The following NEBL variants were observed in gnomAD, a reference collection of about 807,000 sequenced individuals.
NEBL encodes the protein nebulette.
NEBL carries 122 observed loss-of-function variants against 140.2 expected under a neutral mutation model. The ratio of observed to expected loss-of-function variants is 0.87; its 90% CI spans 0.75 to 1.01. The LOEUF (loss-of-function observed/expected upper bound fraction) is 1.01. Ranked by LOEUF, NEBL falls within the 50% of genes least tolerant of loss-of-function variation. The probability of loss-of-function intolerance (pLI) is 0.00; values close to 1 mark genes in which losing one functional copy is unlikely to be tolerated. For synonymous variants in NEBL, 436 were observed against 398.9 expected, an observed-to-expected ratio of 1.09 and a Z score of -1.11; for missense variants, 1,365 against 1,231.3, an observed-to-expected ratio of 1.11 and a Z score of -1.62.
At chr10:21,017,308 G>T (rs1838593499) in intron 3 of NEBL, among the ~76,000 whole-genome samples, 1 of 152,224 alleles carries the variant, frequency 6.6e-6, no homozygotes, top group Non-Finnish European at 1.5e-5. Flanking sequence ...CCAGTGCACA[G>T]AGTAGGTAAT....
chr10:21,026,176 C>G (rs907555464), intron 2 of NEBL, among the ~76,000 whole-genome samples: 2 of 152,130 alleles, frequency 1.3e-5, no homozygotes, highest in African/African-American at 2.4e-5. Flanking sequence ...CTGTAAAACC[C>G]ATGTTTTCAT....
chr10:21,049,749 T>C lies in NEBL; in HGVS notation c.165-29548A>G, dbSNP rs540518180. Among the ~76,000 whole-genome samples the C allele has an allele frequency of 2.6e-5, 4 of 152,342 alleles. No individual in the cohort carries two copies. In the South Asian group the frequency reaches 8.3e-4, roughly 32 times the overall value. ...TCCCCCTACTGCAGTGACATCCCCT[T>C]CTTTGCAGGCAAAGGCTGTGTTTCT... On this transcript the variant is annotated intron_variant, in intron 2 of 6. Transcript: ENST00000417816.
Position 21,252,587 on chromosome 10 carries a change from G to GA in NEBL, n.183-760dup, listed in dbSNP as rs202060348. On this transcript the variant is annotated intron_variant and non_coding_transcript_variant, in intron 1 of 8. Coordinates refer to the NEBL transcript ENST00000675702. ...TTTTTAAAATGCACAACCTTACTGG[G>GA]AAAAAATATATATAAATATACAGAA... Among the ~76,000 whole-genome samples, 418 of 152,034 alleles carry GA rather than the reference G, an allele frequency of 2.7e-3. 4 individuals carry two copies. Among genetic ancestry groups the GA allele is most frequent in the African/African-American group, 9.0e-3 (373 of 41,458 alleles).
Position 20,858,306 on chromosome 10 carries a change from T to C in NEBL, c.837A>G (p.Pro279=), listed in dbSNP as rs1211641825. ...ACAACAAATTTGGGAGATCTGAAACTGGATCATGCATATTTTGAATGTCTT... is the reference window on the plus strand; with the variant it reads ...ACAACAAATTTGGGAGATCTGAAACCGGATCATGCATATTTTGAATGTCTT... The part of the protein sequence containing the change: ...YKKDIQNMHD[P]VSDLPNLLFL... Residue 279 remains proline (P), a synonymous_variant, in exon 9 of 28, where the codon CCA becomes CCG. Coordinates refer to ENST00000377122, the MANE Select transcript of NEBL (RefSeq NM_006393.3). 5 of 1,610,374 alleles carry C rather than the reference T, an allele frequency of 3.1e-6. No homozygotes were observed. The Admixed American group carries it at 5.0e-5, about 16-fold the overall frequency.
chr10:21,274,546 C>T (rs1336022901), intron 1 of NEBL, among the ~76,000 whole-genome samples: 1 of 152,184 alleles, frequency 6.6e-6, no homozygotes, highest in East Asian at 1.9e-4. Context: ...GTGCCTCAGC[C>T]TCCCGAGTAG....
intron 1 of NEBL, among the ~76,000 whole-genome samples, chr10:21,265,494 T>C (rs1842787984): frequency 6.6e-6 from 1 of 152,212 alleles, no homozygotes; most frequent in Non-Finnish European, 1.5e-5. Flanking sequence ...AAGCCTTAAG[T>C]ATTTCTGATT....
At chr10:20,798,162 G>T (rs1344877383) in intron 26 of NEBL, among the ~76,000 whole-genome samples, 2 of 150,798 alleles carry the variant, frequency 1.3e-5, no homozygotes, top group African/African-American at 4.9e-5. Context: ...TAGGGGGAAA[G>T]ATCAGGCAGT....
Position 20,819,516 on chromosome 10 carries a change from G to A in NEBL, c.1963C>T (p.Leu655Phe). 6.2e-7 allele frequency: 1 copy of A among 1,613,934 alleles called. No homozygotes were observed. Residue 655 changes from leucine (L) to phenylalanine (F), a missense_variant and splice_region_variant, in exon 20 of 28, where the codon CTC becomes TTC. This residue lies in a region of NEBL where 1,323 missense variants were observed against 1,154.8 expected (regional missense o/e 1.15). Coordinates refer to ENST00000377122, the MANE Select transcript of NEBL (RefSeq NM_006393.3). ...TTGTAGTTTTGCTCTTTATACTGGA[G>A]CTGAGAGACAAGGTGCAAGACAGTT... ...VKENQKNISNLQYKEQNYKAT... is the reference protein window; with the variant it reads ...VKENQKNISNFQYKEQNYKAT...
At chr10:20,827,484 T>C (rs1424338908) in intron 17 of NEBL, among the ~76,000 whole-genome samples, 1 of 152,220 alleles carries the variant, frequency 6.6e-6, no homozygotes, top group Non-Finnish European at 1.5e-5. Flanking sequence ...CTTACTAGAA[T>C]TTATATTTTG....
chr10:21,274,426 TATTATTTATCTATTTTTGAGACACA>T (rs1554836101), intron 1 of NEBL, among the ~76,000 whole-genome samples: 1 of 152,166 alleles, frequency 6.6e-6, no homozygotes, highest in Non-Finnish European at 1.5e-5. Flanking sequence ...AGTTAGTTAG[TATTATTTATCTATTTTTGAGACACA>T]ATTTCCCTCT....
intron 14 of NEBL, among the ~76,000 whole-genome samples, chr10:20,835,023 CTG>C (rs1009948276): frequency 6.6e-6 from 1 of 152,150 alleles, no homozygotes; most frequent in Admixed American, 6.5e-5. Flanking sequence ...AAAATGCTGA[CTG>C]TGTAGAAATT....
At chr10:21,097,089 T>C (rs1339605298) in intron 2 of NEBL, among the ~76,000 whole-genome samples, 1 of 152,122 alleles carries the variant, frequency 6.6e-6, no homozygotes, top group African/African-American at 2.4e-5. Flanking sequence ...TCACCTCCAC[T>C]CTCCTAATAC....
chr10:20,905,519 C>T (rs1311114665), intron 4 of NEBL, among the ~76,000 whole-genome samples: 3 of 152,104 alleles, frequency 2.0e-5, no homozygotes, highest in Non-Finnish European at 2.9e-5. Flanking sequence ...GTCACAACAG[C>T]AGCATGTGGG....
intron 4 of NEBL, among the ~76,000 whole-genome samples, chr10:20,929,846 T>G (rs1260308089): frequency 6.6e-6 from 1 of 152,128 alleles, no homozygotes; most frequent in Non-Finnish European, 1.5e-5. Context: ...ACAGTTACAC[T>G]AAAAGCCCGG....
chr10:21,131,568 AG>A lies in NEBL; in HGVS notation c.164+40814del, dbSNP rs1466347219. 2.6e-5 allele frequency among the ~76,000 whole-genome samples: 4 copies of A among 152,216 alleles called. No homozygotes were observed. In the South Asian group the frequency reaches 6.2e-4, roughly 24 times the overall value. On this transcript the variant is annotated intron_variant, in intron 2 of 6. Transcript: ENST00000417816. Reference sequence around the variant, plus strand: ...GCAAAAAGCAACCCAGCTGGAGAAAAGCACAGGACTGCAGAAAACCAATAAA... The same window carrying A: ...GCAAAAAGCAACCCAGCTGGAGAAAACACAGGACTGCAGAAAACCAATAAA...
At chr10:21,168,883 C>T (rs1840919316) in intron 2 of NEBL, among the ~76,000 whole-genome samples, 1 of 150,182 alleles carries the variant, frequency 6.7e-6, no homozygotes. Flanking sequence ...CCTATCTCTA[C>T]TAAAAAATAC....
At chr10:21,168,018 C>G (rs1483087535) in intron 2 of NEBL, among the ~76,000 whole-genome samples, 1 of 152,078 alleles carries the variant, frequency 6.6e-6, no homozygotes, top group Non-Finnish European at 1.5e-5. Flanking sequence ...GGGTATTACG[C>G]CCAATCTTAC....
At chr10:21,067,095 C>A (rs1835595295) in intron 2 of NEBL, among the ~76,000 whole-genome samples, 1 of 150,586 alleles carries the variant, frequency 6.6e-6, no homozygotes, top group South Asian at 2.1e-4. Flanking sequence ...GCCTCAGCCT[C>A]CCGAGTAGCT....
chr10:21,039,058 C>CTGT (rs1289419841), intron 2 of NEBL, among the ~76,000 whole-genome samples: 3 of 95,010 alleles, frequency 3.2e-5, no homozygotes. Context: ...TTTGATGGGG[C>CTGT]TGTTTTTTTT....
Sources: gnomAD v4.1 joint callset for allele counts (sites outside exome capture counted in the v4.1 genomes callset) on GRCh38, gnomAD v4.1.1 for gene constraint, gnomAD v4.1.1 regional missense constraint, MANE v1.5 for transcripts, NCBI Gene and HGNC (gene_info 2026-07-23, HGNC 2026-07-21) for gene names.